FKBP15: variants seen among roughly 807,000 people sequenced by gnomAD.
FKBP15 encodes the protein FKBP prolyl isomerase family member 15.
In FKBP15, 106 loss-of-function variants were observed where a neutral mutation model predicts 158.1. That is an observed-to-expected ratio of 0.67 (90% CI 0.57 to 0.79). The LOEUF (loss-of-function observed/expected upper bound fraction) is 0.79. FKBP15 is among the 30% of genes least tolerant of loss of function. The pLI, the probability that FKBP15 is intolerant of heterozygous loss-of-function variation, is 0.00. For synonymous variants in FKBP15, 547 were observed against 548.6 expected (o/e 1.00, Z 0.04); for missense variants, 1,287 against 1,479.1 (o/e 0.87, Z 2.13).
intron 19 of FKBP15, among the ~76,000 whole-genome samples, chr9:113,180,122 G>A (rs10981671): frequency 0.3 from 45,053 of 152,012 alleles, 6,882 homozygotes; most frequent in East Asian, 0.34. Context: ...TTCCAAAGGC[G>A]TGCCAATGAA....
chr9:113,193,593 A>T (rs1387286872), intron 10 of FKBP15, 44 bp from the exon 11 acceptor site: 1 of 1,495,436 alleles, frequency 6.7e-7, no homozygotes, highest in Non-Finnish European at 9.2e-7. Flanking sequence ...AACAAAATCC[A>T]GAATCACAAG....
Position 113,166,111 on chromosome 9 carries a change from A to G in FKBP15, c.3627T>C (p.Asp1209=). Residue 1209 remains aspartate (D), a synonymous_variant, in exon 28 of 28, where the codon GAT becomes GAC. Transcript: ENST00000238256. ...RPPPTPLFGD[D]DDDDDIDWLG ...GCCAGTCAATGTCATCGTCATCATCATCATCTCCAAAAAGGGGCGTTGGGG... is the reference window on the plus strand; with the variant it reads ...GCCAGTCAATGTCATCGTCATCATCGTCATCTCCAAAAAGGGGCGTTGGGG... 6.2e-7 allele frequency: 1 copy of G among 1,613,738 alleles called. No homozygotes were observed. The highest frequency in any genetic ancestry group is 1.7e-5 in the Admixed American group (1 of 59,998).
chr9:113,215,644 ATTTTTTTT>A (rs1285341545), intron 1 of FKBP15, among the ~76,000 whole-genome samples: 705 of 61,426 alleles, frequency 0.011, 7 homozygotes, highest in African/African-American at 0.036. Flanking sequence ...ATATATATAT[ATTTTTTTT>A]TTTTTTTTTT....
chr9:113,194,297 G>T, intron 9 of FKBP15, 128 bp from the exon 10 acceptor site: 1 of 629,658 alleles, frequency 1.6e-6, no homozygotes, highest in South Asian at 2.0e-5. Context: ...GGATAGCATT[G>T]GGAGATATAC....
chr9:113,186,471 A>T, intron 14 of FKBP15, 108 bp from the exon 15 acceptor site: 1 of 791,066 alleles, frequency 1.3e-6, no homozygotes, highest in South Asian at 1.6e-5. Context: ...GGAGACTCAA[A>T]CTTACTGAAG....
At chr9:113,178,230 C>T (rs1328511756) in intron 20 of FKBP15, among the ~76,000 whole-genome samples, 1 of 152,084 alleles carries the variant, frequency 6.6e-6, no homozygotes, top group Non-Finnish European at 1.5e-5. Context: ...CAGGATGGGC[C>T]TTGAGTGTGA....
chr9:113,214,753 G>A (rs1831084201), intron 1 of FKBP15, among the ~76,000 whole-genome samples: 1 of 152,230 alleles, frequency 6.6e-6, no homozygotes, highest in Non-Finnish European at 1.5e-5. Context: ...ATAGAAAGCT[G>A]TTTTGTCTAC....
At position 113,168,449 on chromosome 9, in the gene FKBP15, G is replaced by C. The variant is rs763035975; in HGVS notation, c.3582+11C>G. On this transcript the variant is annotated intron_variant, in intron 27 of 27. Transcript: ENST00000238256. ...TGTGTGAGGACTTGACAGTGCCTGG[G>C]ATTTCCTTACCACCTCGTCTTCATC... is the stretch of plus-strand genomic sequence containing the variant. 1 of 1,612,514 alleles carries C rather than the reference G, an allele frequency of 6.2e-7. No individual in the cohort carries two copies. The highest frequency in any genetic ancestry group is 8.5e-7 in the Non-Finnish European group (1 of 1,178,552).
intron 21 of FKBP15, 145 bp downstream of exon 21, chr9:113,176,392 G>C (rs756698622): frequency 4.7e-6 from 4 of 857,954 alleles, no homozygotes; most frequent in African/African-American, 1.7e-5. Context: ...TATGAGATTA[G>C]AGCGGGGAAA....
At position 113,183,865 on chromosome 9, in the gene FKBP15, T is replaced by G. The variant is rs986979180; in HGVS notation, c.1717-20A>C. On this transcript the variant is annotated intron_variant, in intron 17 of 27. Coordinates refer to ENST00000238256, the MANE Select transcript of FKBP15 (RefSeq NM_015258.2). ...ATTTTCCTAATTTCAAAATATATGA[T>G]GTACAATTTAAGTGTCTTGGGAGAA... 6.3e-7 allele frequency: 1 copy of G among 1,578,474 alleles called. No individual in the cohort carries two copies.
intron 6 of FKBP15, among the ~76,000 whole-genome samples, chr9:113,201,470 A>C (rs1830791217): frequency 1.3e-5 from 2 of 152,188 alleles, no homozygotes; most frequent in South Asian, 4.1e-4. Context: ...GAATACTTAC[A>C]CTGAAATCCT....
At chr9:113,189,561 A>G (rs1416195582) in intron 12 of FKBP15, among the ~76,000 whole-genome samples, 1 of 152,120 alleles carries the variant, frequency 6.6e-6, no homozygotes, top group Non-Finnish European at 1.5e-5. Flanking sequence ...AAATAATCCT[A>G]TAACAATAGG....
At chr9:113,180,400 ATGTGTGTGTGTGTGTGTGTGTGTG>A (rs61018100) in intron 19 of FKBP15, among the ~76,000 whole-genome samples, 1 of 149,988 alleles carries the variant, frequency 6.7e-6, no homozygotes, top group Non-Finnish European at 1.5e-5. Flanking sequence ...TCAGAAAAAA[ATGTGTGTGTGTGTGTGTGTGTGTG>A]TGTGTGTGTA....
At chr9:113,176,465 T>C in intron 21 of FKBP15, 72 bp downstream of exon 21, 1 of 1,470,512 alleles carries the variant, frequency 6.8e-7, no homozygotes, top group Non-Finnish European at 9.2e-7. Context: ...CACATACTAT[T>C]GTAATTTGTA....
intron 1 of FKBP15, among the ~76,000 whole-genome samples, chr9:113,215,643 T>TTG (rs1831112362): frequency 1.3e-5 from 1 of 79,598 alleles, no homozygotes; most frequent in Non-Finnish European, 2.4e-5. Flanking sequence ...TATATATATA[T>TTG]ATTTTTTTTT....
chr9:113,191,234 G>A (rs370402178), intron 11 of FKBP15, among the ~76,000 whole-genome samples: 20 of 151,292 alleles, frequency 1.3e-4, no homozygotes, highest in African/African-American at 3.4e-4. Context: ...GTGCAGTGGC[G>A]TGATCTCGGC....
rs764088234 is a variant in FKBP15 at position 113,161,637 on chromosome 9, G to A, written c.*4441C>T. The A allele has an allele frequency of 5.0e-6, 8 of 1,613,908 alleles. No homozygotes were observed. In the South Asian group the frequency reaches 5.5e-5, roughly 11 times the overall value. On this transcript the variant is annotated 3_prime_UTR_variant, in exon 28 of 28. Transcript: ENST00000238256. ...AACCTCCATCAGCCAGCAGACCATC[G>A]CAGAGACAGACGGGGACTCTGCAGG...
chr9:113,214,500 A>G (rs1342388054), intron 1 of FKBP15, among the ~76,000 whole-genome samples: 1 of 152,240 alleles, frequency 6.6e-6, no homozygotes, highest in Non-Finnish European at 1.5e-5. Flanking sequence ...AATATTCAGT[A>G]AACTATGCTA....
chr9:113,169,759 A>G lies in FKBP15; in HGVS notation c.2950T>C (p.Ser984Pro). ...RERPESPMVP[S>P]EQVVEEAVPL... ...ACAGCTTCCTCGACCACCTGCTCTG[A>G]GGGCACCATGGGGGACTCTGGCCTC... Residue 984 changes from serine to proline, a missense_variant, in exon 26 of 28, where the codon TCA becomes CCA. Ser to Pro is a moderately conservative substitution (Grantham distance 74). Transcript: ENST00000238256. The G allele has an allele frequency of 6.2e-7, 1 of 1,609,364 alleles. No homozygotes were observed. Among genetic ancestry groups the G allele is most frequent in the Non-Finnish European group, 8.5e-7 (1 of 1,177,780 alleles).
Sources: gnomAD v4.1 joint callset for allele counts (sites outside exome capture counted in the v4.1 genomes callset) on GRCh38, gnomAD v4.1.1 for gene constraint, MANE v1.5 for transcripts, NCBI Gene and HGNC (gene_info 2026-07-23, HGNC 2026-07-21) for gene names.